ADAMTS14: variants seen among roughly 807,000 people sequenced by gnomAD.
ADAMTS14 encodes the protein A disintegrin and metalloproteinase with thrombospondin motifs 14.
Under a neutral mutation model 128.6 loss-of-function variants are expected in ADAMTS14, and 100 were observed. The observed-to-expected ratio is 0.78, with a 90% CI of 0.66 to 0.92. The LOEUF is 0.92. Ranked by LOEUF, ADAMTS14 falls within the 40% of genes least tolerant of loss-of-function variation. The pLI, the probability that ADAMTS14 is intolerant of heterozygous loss-of-function variation, is 0.00. For synonymous variants in ADAMTS14, 665 were observed against 653.8 expected, an observed-to-expected ratio of 1.02 and a Z score of -0.26; for missense variants, 1,562 against 1,658.6, an observed-to-expected ratio of 0.94 and a Z score of 1.01.
intron 4 of ADAMTS14, among the ~76,000 whole-genome samples, chr10:70,710,239 C>T (rs1313378232): frequency 6.6e-6 from 1 of 152,234 alleles, no homozygotes; most frequent in Non-Finnish European, 1.5e-5. Context: ...GTGCCCTTCA[C>T]CTCTGAGCCT....
In ADAMTS14 at chr10:70,672,722, G is replaced by A; in HGVS notation, c.-81G>A. 7.2e-7 allele frequency: 1 copy of A among 1,381,934 alleles called. No individual in the cohort carries two copies. The highest frequency in any genetic ancestry group is 1.7e-5 in the South Asian group (1 of 60,274). 85.6% of individuals were successfully genotyped at this position (1,381,934 alleles called of 1,614,324 possible). On this transcript the variant is annotated 5_prime_UTR_variant, in exon 1 of 22. Coordinates refer to ENST00000373207, the MANE Select transcript of ADAMTS14 (RefSeq NM_080722.4). ...CAGCCAGCCGGTGCTCCGACAGCCC[G>A]GGGCGCACCCTAGCCTCGCCGCCCT...
chr10:70,724,259 GGCAGAGGTACTTTGAACATGGC>G (rs1201007627), intron 4 of ADAMTS14, among the ~76,000 whole-genome samples: 1 of 152,204 alleles, frequency 6.6e-6, no homozygotes, highest in Non-Finnish European at 1.5e-5. Context: ...TAGGGGTCCT[GGCAGAGGTACTTTGAACATGGC>G]GCAGAGGTGA....
At chr10:70,676,123 C>T (rs958682601) in intron 2 of ADAMTS14, among the ~76,000 whole-genome samples, 10 of 148,894 alleles carry the variant, frequency 6.7e-5, no homozygotes, top group South Asian at 2.1e-4. Context: ...GTCTACCCCA[C>T]GATGAGGTTT....
intron 2 of ADAMTS14, among the ~76,000 whole-genome samples, chr10:70,685,898 C>T (rs953751986): frequency 6.6e-6 from 1 of 152,104 alleles, no homozygotes; most frequent in Non-Finnish European, 1.5e-5. Context: ...TGCTTAACTT[C>T]TGCGTGTCAT....
At chr10:70,711,652 C>T (rs766028409) in intron 4 of ADAMTS14, among the ~76,000 whole-genome samples, 11 of 152,284 alleles carry the variant, frequency 7.2e-5, no homozygotes, top group South Asian at 4.1e-4. Flanking sequence ...TTTGTTTTTG[C>T]GTGTATAAGT....
chr10:70,717,068 A>G (rs1841077179), intron 4 of ADAMTS14, among the ~76,000 whole-genome samples: 2 of 152,248 alleles, frequency 1.3e-5, no homozygotes. Context: ...TCTCAGGACT[A>G]GAGAACCATT....
intron 15 of ADAMTS14, among the ~76,000 whole-genome samples, chr10:70,749,415 C>G (rs1842280659): frequency 6.6e-6 from 1 of 152,194 alleles, no homozygotes; most frequent in South Asian, 2.1e-4. Context: ...AGTCTGTACT[C>G]TCAGCCTCTA....
rs12240322 is a variant in ADAMTS14, at chr10:70,691,855, G to A, written c.523-10457G>A. Among the ~76,000 whole-genome samples, 1,508 of 151,844 alleles carry A rather than the reference G, an allele frequency of 9.9e-3. 34 individuals carry two copies. Among genetic ancestry groups the A allele is most frequent in the African/African-American group, 0.035 (1,448 of 41,118 alleles). On this transcript the variant is annotated intron_variant, in intron 2 of 21. Transcript: ENST00000373207. ...CTCTCAGGGAACGTACTTATTGTAT[G>A]CTCGTTTCCTCTCTTACTTGCCCAT...
In ADAMTS14 at chr10:70,674,280, C is replaced by T. The variant is rs770233725; in HGVS notation, c.83-276C>T. Among the ~76,000 whole-genome samples, 7 of 152,278 alleles carry T rather than the reference C, an allele frequency of 4.6e-5. No individual in the cohort carries two copies. In the East Asian group the frequency reaches 7.7e-4, roughly 17 times the overall value. On this transcript the variant is annotated intron_variant, in intron 1 of 21. Transcript: ENST00000373207. ...GGTCGGAAGTCTTGTTGCTAGTGAC[C>T]GGGCTCTGTCTGGTATCATTTGCTT...
intron 2 of ADAMTS14, among the ~76,000 whole-genome samples, chr10:70,679,830 G>A (rs1428179980): frequency 6.6e-6 from 1 of 152,194 alleles, no homozygotes; most frequent in Admixed American, 6.5e-5. Context: ...CCTGGCAGAC[G>A]GCTTTGGGAG....
intron 7 of ADAMTS14, 25 bp from the exon 8 acceptor site, chr10:70,733,860 G>C (rs752190183): frequency 3.7e-6 from 6 of 1,603,636 alleles, no homozygotes; most frequent in Non-Finnish European, 5.1e-6. Flanking sequence ...GATGTATCAG[G>C]ACTCCTCTGT....
At chr10:70,674,027 C>T (rs73276150) in intron 1 of ADAMTS14, among the ~76,000 whole-genome samples, 5,364 of 152,196 alleles carry the variant, frequency 0.035, 300 homozygotes, top group African/African-American at 0.12. Flanking sequence ...AATAGAGAAC[C>T]GCTCCCCTCT....
rs75743670 is a variant in ADAMTS14 at position 70,716,594 on chromosome 10, G to A, written c.870+7816G>A. 8.0e-3 allele frequency among the ~76,000 whole-genome samples: 1,217 copies of A among 152,320 alleles called. 59 individuals carry two copies. In the East Asian group the frequency reaches 0.087, roughly 11 times the overall value. On this transcript the variant is annotated intron_variant, in intron 4 of 21. Transcript: ENST00000373207. ...AAGCTTTTATTTGGCTGGGATGCTTGACGCTCGAATTGCCTTAGGGGATTT... is the reference window on the plus strand; with the variant it reads ...AAGCTTTTATTTGGCTGGGATGCTTAACGCTCGAATTGCCTTAGGGGATTT...
chr10:70,726,665 G>A (rs1841438925), intron 4 of ADAMTS14, among the ~76,000 whole-genome samples: 1 of 152,134 alleles, frequency 6.6e-6, no homozygotes. Context: ...GGGAAGTAAG[G>A]GTTACTTAAG....
intron 2 of ADAMTS14, among the ~76,000 whole-genome samples, chr10:70,701,943 G>T (rs1270523557): frequency 6.6e-6 from 1 of 152,220 alleles, no homozygotes; most frequent in Non-Finnish European, 1.5e-5. Context: ...CTGGAGTGCA[G>T]TGCCTTGGTG....
chr10:70,690,096 C>G (rs942280785), intron 2 of ADAMTS14, among the ~76,000 whole-genome samples: 1 of 144,510 alleles, frequency 6.9e-6, no homozygotes, highest in African/African-American at 2.5e-5. Context: ...TCTCAGTCAT[C>G]ATCTGATGAA....
chr10:70,735,029 C>G, intron 8 of ADAMTS14, 140 bp from the exon 9 acceptor site: 11 of 1,134,126 alleles, frequency 9.7e-6, no homozygotes, highest in Non-Finnish European at 1.3e-5. Flanking sequence ...CCCGTCCTCC[C>G]TGGAAGAGAC....
At position 70,750,050 on chromosome 10, in the gene ADAMTS14, C is replaced by T. The variant is rs1276928196; in HGVS notation, c.2427+65C>T. The T allele has an allele frequency of 8.2e-6, 13 of 1,581,062 alleles. No individual in the cohort carries two copies. The African/African-American group carries it at 1.7e-4, about 21-fold the overall frequency. The stretch of plus-strand genomic sequence containing the variant: ...CACTTGTCCCCTTAGCTCGCTACAT[C>T]TGCTGCCAAGCCAGCGTGACACCAT... On this transcript the variant is annotated intron_variant, in intron 16 of 21. Transcript: ENST00000373207.
Position 70,750,003 on chromosome 10 carries a change from C to T in ADAMTS14, c.2427+18C>T, listed in dbSNP as rs41306528. The stretch of plus-strand genomic sequence containing the variant: ...CCATCCTGGTGAGCCCCACTCTGTG[C>T]GGTGGCAACCCCTGCCCACCCCACT... On this transcript the variant is annotated intron_variant, in intron 16 of 21. Coordinates refer to ENST00000373207, the MANE Select transcript of ADAMTS14 (RefSeq NM_080722.4). 1,116 of 1,610,204 alleles carry T rather than the reference C, an allele frequency of 6.9e-4. 7 individuals are homozygous for T. Among genetic ancestry groups the T allele is most frequent in the South Asian group, 5.8e-3 (525 of 90,888 alleles).
Sources: allele counts gnomAD v4.1 joint callset (sites outside exome capture counted in the v4.1 genomes callset), GRCh38; gene constraint gnomAD v4.1.1; transcripts MANE v1.5; gene names NCBI Gene and HGNC (gene_info 2026-07-23, HGNC 2026-07-21).